IGF2BP2: variants seen among roughly 807,000 people sequenced by gnomAD.
The protein encoded by IGF2BP2 is insulin-like growth factor 2 mRNA-binding protein 2.
IGF2BP2 carries 17 observed loss-of-function variants against 75.8 expected under a neutral mutation model. The observed-to-expected ratio is 0.22, with a 90% CI of 0.15 to 0.34. IGF2BP2 has a LOEUF of 0.34. Ranked by LOEUF, IGF2BP2 falls within the 10% of genes least tolerant of loss-of-function variation. IGF2BP2 has a pLI of 1.00. For synonymous variants in IGF2BP2, 288 were observed against 295.6 expected (o/e 0.97, Z 0.26); for missense variants, 516 against 772.4 (o/e 0.67, Z 3.93).
intron 2 of IGF2BP2, among the ~76,000 whole-genome samples, chr3:185,818,712 G>A (rs1306737691): frequency 6.6e-6 from 1 of 152,154 alleles, no homozygotes; most frequent in Non-Finnish European, 1.5e-5. Context: ...GAGTGATTCA[G>A]CTACAGACAG....
intron 2 of IGF2BP2, among the ~76,000 whole-genome samples, chr3:185,760,341 G>A (rs1162568918): frequency 1.3e-5 from 2 of 151,964 alleles, no homozygotes; most frequent in African/African-American, 2.4e-5. Context: ...CCTTCAGTAT[G>A]TTACTCTCTT....
At chr3:185,820,904 C>G in intron 2 of IGF2BP2, 1 of 1,135,524 alleles carries the variant, frequency 8.8e-7, no homozygotes, top group Admixed American at 2.4e-5. Flanking sequence ...ATTGACTTAA[C>G]ACTGCCAAAT....
rs1719464301 is a variant in IGF2BP2, at chr3:185,676,885, G to A, written c.813-972C>T. Reference sequence around the variant, plus strand: ...TTACTGGATATATATATATGGAGATGTATATATATTTACTGGAGATATATA... The same window carrying A: ...TTACTGGATATATATATATGGAGATATATATATATTTACTGGAGATATATA... On this transcript the variant is annotated intron_variant, in intron 7 of 15. Coordinates refer to ENST00000382199, the MANE Select transcript of IGF2BP2 (RefSeq NM_006548.6). Among the ~76,000 whole-genome samples the A allele has an allele frequency of 5.0e-5, 7 of 140,572 alleles. No homozygotes were observed. In the South Asian group the frequency reaches 1.3e-3, roughly 27 times the overall value. The allele number at this position is 140,572 out of a possible 152,430, so 92.2% of individuals were successfully genotyped here. A position where few individuals can be genotyped will look rare whatever the true frequency, so the allele number is the denominator to read the frequency against.
intron 2 of IGF2BP2, among the ~76,000 whole-genome samples, chr3:185,763,153 T>C (rs1008519301): frequency 7.9e-5 from 12 of 152,182 alleles, no homozygotes; most frequent in Non-Finnish European, 1.8e-4. Flanking sequence ...GGTATTTTTT[T>C]TAAAAAAACT....
At chr3:185,680,476 C>T (rs960693619) in intron 7 of IGF2BP2, among the ~76,000 whole-genome samples, 3 of 152,190 alleles carry the variant, frequency 2.0e-5, no homozygotes, top group Non-Finnish European at 4.4e-5. Flanking sequence ...TACCCTGATT[C>T]CAAAGCCAGA....
chr3:185,757,405 A>G (rs894773797), intron 2 of IGF2BP2, among the ~76,000 whole-genome samples: 3 of 151,568 alleles, frequency 2.0e-5, no homozygotes, highest in Admixed American at 6.6e-5. Context: ...TCCTTTCTCC[A>G]TGAGTCATAT....
intron 2 of IGF2BP2, among the ~76,000 whole-genome samples, chr3:185,766,677 A>G (rs959609322): frequency 2.0e-5 from 3 of 152,242 alleles, no homozygotes; most frequent in Admixed American, 1.3e-4. Flanking sequence ...TGGTCTAGAG[A>G]CAAACCTGGG....
chr3:185,752,160 T>C (rs1731053061), intron 2 of IGF2BP2, among the ~76,000 whole-genome samples: 2 of 152,120 alleles, frequency 1.3e-5, no homozygotes. Flanking sequence ...GGACAATAAT[T>C]TCCTTAACTC....
At chr3:185,731,955 C>A (rs1728249072) in intron 2 of IGF2BP2, among the ~76,000 whole-genome samples, 2 of 151,906 alleles carry the variant, frequency 1.3e-5, no homozygotes, top group South Asian at 4.2e-4. Context: ...GCACTCCAGC[C>A]TGGGCGACAG....
chr3:185,698,308 C>T lies in IGF2BP2; in HGVS notation c.279G>A (p.Leu93=), dbSNP rs1257178430. The change falls in exon 3 of 16, where the codon CTG becomes CTA. Residue 93 remains leucine (L), a synonymous_variant. Coordinates refer to ENST00000382199, the MANE Select transcript of IGF2BP2 (RefSeq NM_006548.6). ...ATTGACACTGGCTTACCTCCCACTG[C>T]AGGTGAGGAGGGATGTTTCGAATCT... The part of the protein sequence containing the change: ...KIQIRNIPPH[L]QWEVLDGLLA... 1 of 1,613,476 alleles carries T rather than the reference C, an allele frequency of 6.2e-7. No individual in the cohort carries two copies. The highest frequency in any genetic ancestry group is 8.5e-7 in the Non-Finnish European group (1 of 1,179,422).
intron 2 of IGF2BP2, among the ~76,000 whole-genome samples, chr3:185,730,099 G>A (rs751793218): frequency 6.6e-6 from 1 of 152,128 alleles, no homozygotes; most frequent in Admixed American, 6.5e-5. Flanking sequence ...GTACACAATA[G>A]TTAATTTTTA....
intron 12 of IGF2BP2, among the ~76,000 whole-genome samples, 186 bp downstream of exon 12, chr3:185,657,100 G>A (rs1021800214): frequency 2.0e-5 from 3 of 152,170 alleles, no homozygotes; most frequent in Non-Finnish European, 2.9e-5. Context: ...GTGGTTAGCT[G>A]AACAGTAAAG....
intron 2 of IGF2BP2, among the ~76,000 whole-genome samples, chr3:185,773,607 G>A (rs1734162555): frequency 6.6e-6 from 1 of 152,094 alleles, no homozygotes; most frequent in South Asian, 2.1e-4. Flanking sequence ...ACTAAGTTAG[G>A]AAGGCCAAGG....
intron 7 of IGF2BP2, among the ~76,000 whole-genome samples, chr3:185,680,619 T>C (rs1305023849): frequency 1.3e-5 from 2 of 152,182 alleles, no homozygotes; most frequent in Non-Finnish European, 2.9e-5. Context: ...AAGTGGGATT[T>C]GTTCCTGGAA....
At chr3:185,756,281 CAG>C in intron 2 of IGF2BP2, among the ~76,000 whole-genome samples, 1 of 152,272 alleles carries the variant, frequency 6.6e-6, no homozygotes, top group South Asian at 2.1e-4. Context: ...GAAGCCTCAC[CAG>C]AAGCCAGGCA....
intron 2 of IGF2BP2, among the ~76,000 whole-genome samples, chr3:185,771,182 G>A (rs552625315): frequency 6.6e-6 from 1 of 152,190 alleles, no homozygotes; most frequent in Non-Finnish European, 1.5e-5. Flanking sequence ...GCTCACGCCT[G>A]TAACCTCAGC....
intron 2 of IGF2BP2, among the ~76,000 whole-genome samples, chr3:185,715,416 CAG>C (rs1335402552): frequency 2.0e-5 from 3 of 152,214 alleles, no homozygotes; most frequent in South Asian, 2.1e-4. Flanking sequence ...ACGCCCCACA[CAG>C]AGTCAGTACA....
At chr3:185,785,825 T>C (rs1735811660) in intron 2 of IGF2BP2, among the ~76,000 whole-genome samples, 2 of 152,176 alleles carry the variant, frequency 1.3e-5, no homozygotes, top group African/African-American at 4.8e-5. Flanking sequence ...ATAAATTAAT[T>C]AATTAATTCC....
intron 2 of IGF2BP2, among the ~76,000 whole-genome samples, chr3:185,755,487 T>C (rs558456106): frequency 6.6e-6 from 1 of 152,244 alleles, no homozygotes; most frequent in Non-Finnish European, 1.5e-5. Flanking sequence ...GCCACTGCCC[T>C]CCAGACCTAA....
Sources: allele counts gnomAD v4.1 joint callset (sites outside exome capture counted in the v4.1 genomes callset), GRCh38; gene constraint gnomAD v4.1.1; transcripts MANE v1.5; gene names NCBI Gene and HGNC (gene_info 2026-07-23, HGNC 2026-07-21).